Variants in ABCB5 observed in about 807,000 individuals in gnomAD.
ABCB5 encodes ATP binding cassette subfamily B member 5.
In ABCB5, 155 loss-of-function variants were observed where a neutral mutation model predicts 144.2. That is an observed-to-expected ratio of 1.08 (90% CI 0.94 to 1.23). The LOEUF (loss-of-function observed/expected upper bound fraction) is 1.23, where lower values mean the gene tolerates loss of function less well. Among genes scored for constraint, ABCB5 ranks in the 50% most tolerant of loss-of-function variants. The pLI is 0.00. For missense variants in ABCB5, 1,830 were observed against 1,520.8 expected (o/e 1.20, Z -3.38); for synonymous variants, 610 against 528.6 (o/e 1.15, Z -2.11).
chr7:20,714,796 A>C (rs1045670572), intron 20 of ABCB5, among the ~76,000 whole-genome samples: 3 of 152,174 alleles, frequency 2.0e-5, no homozygotes, highest in Non-Finnish European at 4.4e-5. Context: ...CTTGTGTCCC[A>C]AACAAAAAAC....
At chr7:20,631,089 C>A (rs961670232) in intron 4 of ABCB5, among the ~76,000 whole-genome samples, 1 of 152,086 alleles carries the variant, frequency 6.6e-6, no homozygotes, top group African/African-American at 2.4e-5. Flanking sequence ...TAATAGCTAT[C>A]ATTAGTTGGG....
At chr7:20,746,023 C>T (rs1782709504) in intron 26 of ABCB5, among the ~76,000 whole-genome samples, 1 of 152,222 alleles carries the variant, frequency 6.6e-6, no homozygotes, top group South Asian at 2.1e-4. Flanking sequence ...AACTTGCTCC[C>T]CACCTTAGGA....
intron 2 of ABCB5, 142 bp from the exon 3 acceptor site, chr7:20,626,414 CA>C (rs1783910385): frequency 6.3e-6 from 4 of 633,316 alleles, no homozygotes; most frequent in Non-Finnish European, 1.1e-5. Context: ...AACTGTCTAT[CA>C]TTAAGTTTAT....
intron 14 of ABCB5, among the ~76,000 whole-genome samples, chr7:20,672,971 T>C (rs1225511378): frequency 6.6e-6 from 1 of 152,136 alleles, no homozygotes; most frequent in Non-Finnish European, 1.5e-5. Context: ...CTTCCATTTT[T>C]TCTTTTTCTT....
rs74665954 is a variant in ABCB5 at position 20,687,090 on chromosome 7, A to T, written c.2010+1254A>T. On this transcript the variant is annotated intron_variant, in intron 16 of 27. Transcript: ENST00000404938. ...AAAATAATGGTATAGATGGTATACC[A>T]TATGACAAATGTATGTTAAGAATAT... 5.9e-3 allele frequency among the ~76,000 whole-genome samples: 896 copies of T among 152,336 alleles called. 7 individuals are homozygous for T. The highest frequency in any genetic ancestry group is 0.021 in the African/African-American group (857 of 41,580).
chr7:20,698,643 A>T (rs1452038249), intron 17 of ABCB5, 93 bp downstream of exon 17: 3 of 1,295,238 alleles, frequency 2.3e-6, no homozygotes, highest in Non-Finnish European at 3.1e-6. Flanking sequence ...ACAAGGGGAA[A>T]ATTGGGACTT....
At chr7:20,743,386 C>G (rs112929109) in intron 25 of ABCB5, among the ~76,000 whole-genome samples, 2,793 of 152,114 alleles carry the variant, frequency 0.018, 97 homozygotes, top group African/African-American at 0.064. Flanking sequence ...CACATCGTGG[C>G]TCCGTATTCT....
intron 14 of ABCB5, among the ~76,000 whole-genome samples, chr7:20,668,606 C>G (rs1339696917): frequency 2.1e-5 from 3 of 146,110 alleles, no homozygotes; most frequent in African/African-American, 7.6e-5. Flanking sequence ...GGGGGGTCAG[C>G]CCCCCGCCCG....
At chr7:20,726,909 A>G in intron 21 of ABCB5, 131 bp from the exon 22 acceptor site, 1 of 494,760 alleles carries the variant, frequency 2.0e-6, no homozygotes, top group Non-Finnish European at 3.4e-6. Context: ...GAAGCTAAGA[A>G]TATTTGTCAG....
intron 14 of ABCB5, among the ~76,000 whole-genome samples, chr7:20,664,634 T>G (rs992951716): frequency 2.0e-4 from 30 of 152,178 alleles, no homozygotes; most frequent in African/African-American, 6.0e-4. Context: ...TTACCAAGAA[T>G]AAAAATAGGT....
chr7:20,629,145 C>CGTGTGTGTGT (rs149986314), intron 4 of ABCB5, among the ~76,000 whole-genome samples: 14,883 of 135,012 alleles, frequency 0.11, 1,023 homozygotes, highest in East Asian at 0.16. Context: ...AGAGAGACTG[C>CGTGTGTGTGT]GTGTGTGTGT....
chr7:20,753,026 A>G (rs1782979750), intron 26 of ABCB5, among the ~76,000 whole-genome samples: 1 of 152,230 alleles, frequency 6.6e-6, no homozygotes. Flanking sequence ...AATAGTAGGT[A>G]GTATAACTTA....
chr7:20,676,209 A>C (rs1182163285), intron 14 of ABCB5, among the ~76,000 whole-genome samples: 3 of 149,366 alleles, frequency 2.0e-5, no homozygotes, highest in Non-Finnish European at 4.5e-5. Context: ...CATATGTATA[A>C]GAATACGCAC....
At chr7:20,724,893 G>A (rs1396087998) in intron 21 of ABCB5, among the ~76,000 whole-genome samples, 1 of 152,012 alleles carries the variant, frequency 6.6e-6, no homozygotes, top group African/African-American at 2.4e-5. Context: ...CCCTTGGATT[G>A]TTTGCTTGTG....
Position 20,684,640 on chromosome 7 carries a change from A to G in ABCB5, c.1870-1056A>G, listed in dbSNP as rs558820191. Among the ~76,000 whole-genome samples the G allele has an allele frequency of 1.4e-4, 21 of 152,352 alleles. No homozygotes were observed. The East Asian group carries it at 2.3e-3, about 17-fold the overall frequency. On this transcript the variant is annotated intron_variant, in intron 15 of 27. Transcript: ENST00000404938. ...AAAAAATAAAAAATTTCAAAGCCATATAAAATATTTCTTTCATGGCAGAGA... is the reference window on the plus strand; with the variant it reads ...AAAAAATAAAAAATTTCAAAGCCATGTAAAATATTTCTTTCATGGCAGAGA...
chr7:20,710,201 C>T (rs1011642535), intron 20 of ABCB5, among the ~76,000 whole-genome samples: 3 of 147,340 alleles, frequency 2.0e-5, no homozygotes, highest in African/African-American at 5.0e-5. Flanking sequence ...ATGGTGAGAC[C>T]GTCTCTCTAC....
At chr7:20,644,463 A>G (rs1648420677) in intron 7 of ABCB5, among the ~76,000 whole-genome samples, 1 of 152,182 alleles carries the variant, frequency 6.6e-6, no homozygotes, top group Admixed American at 6.5e-5. Flanking sequence ...AATATGTTTC[A>G]GTTTTTTAAA....
At chr7:20,742,333 C>T (rs1782587715) in intron 24 of ABCB5, among the ~76,000 whole-genome samples, 1 of 152,142 alleles carries the variant, frequency 6.6e-6, no homozygotes, top group Non-Finnish European at 1.5e-5. Flanking sequence ...GAGATCACAC[C>T]ACTGCCTTCC....
intron 19 of ABCB5, among the ~76,000 whole-genome samples, chr7:20,702,581 A>C (rs1786664886): frequency 6.6e-6 from 1 of 152,158 alleles, no homozygotes; most frequent in Non-Finnish European, 1.5e-5. Context: ...TTCAACTTGA[A>C]AGTTTAAAAA....
Sources: gnomAD v4.1 joint callset for allele counts (sites outside exome capture counted in the v4.1 genomes callset) on GRCh38, gnomAD v4.1.1 for gene constraint, MANE v1.5 for transcripts, NCBI Gene and HGNC (gene_info 2026-07-23, HGNC 2026-07-21) for gene names.